The following COL7A1 variants were observed in gnomAD, a reference collection of about 807,000 sequenced individuals.
COL7A1 encodes collagen alpha-1(VII) chain.
Under a neutral mutation model 456.2 loss-of-function variants are expected in COL7A1, and 296 were observed. The ratio of observed to expected loss-of-function variants is 0.65; its 90% CI spans 0.59 to 0.71. The LOEUF (loss-of-function observed/expected upper bound fraction) is 0.71, where lower values mean the gene tolerates loss of function less well. Among genes scored for constraint, COL7A1 ranks in the 30% least tolerant of loss-of-function variants. COL7A1 has a pLI of 0.00. For synonymous variants in COL7A1, 1,464 were observed against 1,525.9 expected, an observed-to-expected ratio of 0.96 and a Z score of 0.95; for missense variants, 3,441 against 4,017.2, an observed-to-expected ratio of 0.86 and a Z score of 3.88.
In COL7A1 at chr3:48,595,297, G is replaced by T; in HGVS notation, c.-31C>A. ...GCGTCCGCCCGCTCCCGCCGCCGCC[G>T]CTGCAGTCTCTCGGGCAGAGCAGAG... On this transcript the variant is annotated 5_prime_UTR_variant, in exon 1 of 119. Transcript: ENST00000681320. The T allele has an allele frequency of 2.8e-6, 2 of 722,782 alleles. No individual in the cohort carries two copies. Among genetic ancestry groups the T allele is most frequent in the Non-Finnish European group, 4.9e-6 (2 of 410,750 alleles). The allele number at this position is 722,782 out of a possible 1,614,324, so 44.8% of individuals were successfully genotyped here.
At position 48,571,532 on chromosome 3, in the gene COL7A1, C is replaced by T; in HGVS notation, c.7069-254G>A. The stretch of plus-strand genomic sequence containing the variant: ...GCATGGCACAGGCACAGGGAGCCCA[C>T]ACGCGAGTGCAGACATCTGGCTCCA... On this transcript the variant is annotated intron_variant, in intron 92 of 118. Coordinates refer to ENST00000681320, the MANE Select transcript of COL7A1 (RefSeq NM_000094.4). This position sits in a 1 kb window ranked among gnomAD's most constrained non-coding sequence, Gnocchi z 4.6. 1.4e-6 allele frequency: 1 copy of T among 700,904 alleles called. No individual in the cohort carries two copies. The highest frequency in any genetic ancestry group is 2.7e-6 in the Non-Finnish European group (1 of 375,536). The allele number at this position is 700,904 out of a possible 1,614,324, so 43.4% of individuals were successfully genotyped here.
Position 48,564,992 on chromosome 3 carries a change from G to C in COL7A1, c.8621-12C>G. On this transcript the variant is annotated splice_polypyrimidine_tract_variant and intron_variant, in intron 117 of 118. Transcript: ENST00000681320. This position sits in a 1 kb window ranked among gnomAD's most constrained non-coding sequence, Gnocchi z 6.0. ...CAGGGAACAGGGGTCTGGGCCAATG[G>C]GGTCAAGTCAGCAGGGTTTGTGGGA... 1 of 1,614,112 alleles carries C rather than the reference G, an allele frequency of 6.2e-7. No homozygotes were observed.
At position 48,571,444 on chromosome 3, in the gene COL7A1, CT is replaced by C. The variant is rs1218193100; in HGVS notation, c.7069-167del. The C allele has an allele frequency of 2.4e-6, 2 of 825,066 alleles. No individual in the cohort carries two copies. Among genetic ancestry groups the C allele is most frequent in the Non-Finnish European group, 4.1e-6 (2 of 484,292 alleles). 51.1% of individuals were successfully genotyped at this position (825,066 alleles called of 1,614,324 possible). A position where few individuals can be genotyped will look rare whatever the true frequency, so the allele number is the denominator to read the frequency against. Reference sequence around the variant, plus strand: ...ACAGGAGCTCAGACATGACCATGGCCTATCTCAGGACAGCACAGACAGAGGG... The same window carrying C: ...ACAGGAGCTCAGACATGACCATGGCCATCTCAGGACAGCACAGACAGAGGG... On this transcript the variant is annotated intron_variant, in intron 92 of 118. Coordinates refer to ENST00000681320, the MANE Select transcript of COL7A1 (RefSeq NM_000094.4). This position sits in a 1 kb window ranked among gnomAD's most constrained non-coding sequence, Gnocchi z 4.6.
chr3:48,566,980 T>A lies in COL7A1; in HGVS notation c.8153A>T (p.Asp2718Val). ...TGGCCCTGGGGGACCAGCAGAGCCATCATTTCCACTGGGGCCTGGGAAGCC... is the reference window on the plus strand; with the variant it reads ...TGGCCCTGGGGGACCAGCAGAGCCAACATTTCCACTGGGGCCTGGGAAGCC... The part of the protein sequence containing the change: ...IGGFPGPSGN[D>V]GSAGPPGPPG... Residue 2718 changes from aspartate (D) to valine (V), a missense_variant, in exon 111 of 119, where the codon GAT becomes GTT. Transcript: ENST00000681320. The surrounding 1 kb of genome is among the most constrained non-coding windows in gnomAD (Gnocchi z 5.9). 2 of 1,612,020 alleles carry A rather than the reference T, an allele frequency of 1.2e-6. No homozygotes were observed. The highest frequency in any genetic ancestry group is 1.1e-5 in the South Asian group (1 of 91,044).
rs370716433 is a variant in COL7A1 at position 48,570,231 on chromosome 3, A to C, written c.7440+44T>G. On this transcript the variant is annotated intron_variant, in intron 98 of 118. Coordinates refer to ENST00000681320, the MANE Select transcript of COL7A1 (RefSeq NM_000094.4). This position sits in a 1 kb window ranked among gnomAD's most constrained non-coding sequence, Gnocchi z 5.5. ...TCAGAGGTTGGAAATCAGAGGCAAG[A>C]GCTGGGATGAAGGGAGTTCGGCTGT... 7 of 1,613,894 alleles carry C rather than the reference A, an allele frequency of 4.3e-6. No individual in the cohort carries two copies. The highest frequency in any genetic ancestry group is 5.1e-6 in the Non-Finnish European group (6 of 1,179,946).
At position 48,586,895 on chromosome 3, in the gene COL7A1, C is replaced by A; in HGVS notation, c.3276+77G>T. ...AGAATGCCTGAACCTATTGGGTGGT[C>A]AGGAGATGGTAACTGGTATGGAGCC... On this transcript the variant is annotated intron_variant, in intron 25 of 118. Coordinates refer to ENST00000681320, the MANE Select transcript of COL7A1 (RefSeq NM_000094.4). The surrounding 1 kb of genome is among the most constrained non-coding windows in gnomAD (Gnocchi z 5.1). The A allele has an allele frequency of 1.3e-6, 2 of 1,549,904 alleles. No individual in the cohort carries two copies. The highest frequency in any genetic ancestry group is 2.4e-5 in the South Asian group (2 of 83,982).
chr3:48,577,375 C>T (rs571758631), intron 65 of COL7A1, among the ~76,000 whole-genome samples: 1 of 152,278 alleles, frequency 6.6e-6, no homozygotes, highest in East Asian at 1.9e-4. Context: ...GTCTGTGTGT[C>T]CTGGTCTGTT....
intron 38 of COL7A1, 28 bp downstream of exon 38, chr3:48,584,007 C>G: frequency 1.2e-6 from 2 of 1,614,050 alleles, no homozygotes; most frequent in Non-Finnish European, 1.7e-6. Flanking sequence ...CTCCAAGCCA[C>G]CCCTAGCACA....
Position 48,567,691 on chromosome 3 carries a change from T to G in COL7A1, c.7983+19A>C. 2 of 1,614,080 alleles carry G rather than the reference T, an allele frequency of 1.2e-6. No individual in the cohort carries two copies. Among genetic ancestry groups the G allele is most frequent in the Non-Finnish European group, 1.7e-6 (2 of 1,180,006 alleles). The stretch of plus-strand genomic sequence containing the variant: ...CCGTCCACCCGTGGCCCCCTCATTC[T>G]GAGCGTGCCCACACTCACCATCTCT... On this transcript the variant is annotated intron_variant, in intron 108 of 118. Transcript: ENST00000681320. This position sits in a 1 kb window ranked among gnomAD's most constrained non-coding sequence, Gnocchi z 4.3.
rs775946987 is a variant in COL7A1 at position 48,592,667 on chromosome 3, C to T, written c.879G>A (p.Arg293=). 1 of 1,613,834 alleles carries T rather than the reference C, an allele frequency of 6.2e-7. No homozygotes were observed. The highest frequency in any genetic ancestry group is 8.5e-7 in the Non-Finnish European group (1 of 1,180,004). The part of the protein sequence containing the change: ...VNVPAGETSV[R]LRGLRPLTEY... ...CGGTCAGTGGCCGGAGACCCCGCAG[C>T]CGCACACTGGTCTCACCAGCTGGGA... The change falls in exon 8 of 119, where the codon CGG becomes CGA. Residue 293 remains arginine, a synonymous_variant. Coordinates refer to ENST00000681320, the MANE Select transcript of COL7A1 (RefSeq NM_000094.4). The surrounding 1 kb of genome is among the most constrained non-coding windows in gnomAD (Gnocchi z 7.6).
Position 48,591,539 on chromosome 3 carries a change from C to T in COL7A1, c.1561G>A (p.Gly521Arg), listed in dbSNP as rs1383489466. Residue 521 changes from glycine to arginine, a missense_variant, in exon 13 of 119, where the codon GGG becomes AGG. By Grantham distance (125) the Gly-to-Arg change is moderately radical (BLOSUM62 -2). Coordinates refer to ENST00000681320, the MANE Select transcript of COL7A1 (RefSeq NM_000094.4). The surrounding 1 kb of genome is among the most constrained non-coding windows in gnomAD (Gnocchi z 7.0). ...CTCCAGGACACTCGCACCCGCTGCC[C>T]GGGCAGCTCGGTGGCTTGCAGGTCT... ...VTDLQATELP[G>R]QRVRVSWSPV... The T allele has an allele frequency of 6.8e-6, 11 of 1,613,934 alleles. No homozygotes were observed. The highest frequency in any genetic ancestry group is 1.7e-4 in the Middle Eastern group (1 of 6,058).
At position 48,571,657 on chromosome 3, in the gene COL7A1, G is replaced by C. The variant is rs2043929365; in HGVS notation, c.7068+344C>G. 1 of 653,966 alleles carries C rather than the reference G, an allele frequency of 1.5e-6. No individual in the cohort carries two copies. Among genetic ancestry groups the C allele is most frequent in the Non-Finnish European group, 2.9e-6 (1 of 344,744 alleles). 40.5% of individuals were successfully genotyped at this position (653,966 alleles called of 1,614,324 possible). A position where few individuals can be genotyped will look rare whatever the true frequency, so the allele number is the denominator to read the frequency against. ...CCACAGGCTGAACGCTGGCAGCCAG[G>C]GGCAGGGGAAAGGAGGATTGTAAAC... On this transcript the variant is annotated intron_variant, in intron 92 of 118. Transcript: ENST00000681320. This position sits in a 1 kb window ranked among gnomAD's most constrained non-coding sequence, Gnocchi z 4.6.
chr3:48,574,253 A>G lies in COL7A1; in HGVS notation c.6501+9T>C, dbSNP rs763319961. 1 of 1,613,826 alleles carries G rather than the reference A, an allele frequency of 6.2e-7. No individual in the cohort carries two copies. The highest frequency in any genetic ancestry group is 1.7e-5 in the Admixed American group (1 of 59,992). On this transcript the variant is annotated intron_variant, in intron 80 of 118. Coordinates refer to ENST00000681320, the MANE Select transcript of COL7A1 (RefSeq NM_000094.4). The surrounding 1 kb of genome is among the most constrained non-coding windows in gnomAD (Gnocchi z 5.0). ...GAGCCTGGGGCCAGGTGCTTCAGCC[A>G]CCACTCACCGGCTTCCCTTCAGGCC...
chr3:48,565,676 G>A lies in COL7A1; in HGVS notation c.8408-8C>T, dbSNP rs2107628533. 1 of 1,612,038 alleles carries A rather than the reference G, an allele frequency of 6.2e-7. No individual in the cohort carries two copies. On this transcript the variant is annotated splice_region_variant and splice_polypyrimidine_tract_variant and intron_variant, in intron 114 of 118. Transcript: ENST00000681320. The surrounding 1 kb of genome is among the most constrained non-coding windows in gnomAD (Gnocchi z 4.5). ...TGAACTGGCCCTGGCAGGCTAGAGGGGGCAGAGAGGGATAGAGAGACAATG... is the reference window on the plus strand; with the variant it reads ...TGAACTGGCCCTGGCAGGCTAGAGGAGGCAGAGAGGGATAGAGAGACAATG...
rs533907003 is a variant in COL7A1, at chr3:48,569,068, G to A, written c.7687-213C>T. The stretch of plus-strand genomic sequence containing the variant: ...CCCAAGGACTCCAGACCCTTGCCCC[G>A]CCCTCTTATCACTGGGTTCCTCATC... On this transcript the variant is annotated intron_variant, in intron 103 of 118. Transcript: ENST00000681320. This position sits in a 1 kb window ranked among gnomAD's most constrained non-coding sequence, Gnocchi z 4.9. Among the ~76,000 whole-genome samples, 11 of 152,078 alleles carry A rather than the reference G, an allele frequency of 7.2e-5. No homozygotes were observed. Among genetic ancestry groups the A allele is most frequent in the Admixed American group, 3.9e-4 (6 of 15,292 alleles).
rs373216427 is a variant in COL7A1 at position 48,565,611 on chromosome 3, G to C, written c.8440+25C>G. 2.4e-4 allele frequency: 394 copies of C among 1,614,016 alleles called. 1 individual carries two copies. The highest frequency in any genetic ancestry group is 1.6e-4 in the Non-Finnish European group (185 of 1,180,028). On this transcript the variant is annotated intron_variant, in intron 115 of 118. Coordinates refer to ENST00000681320, the MANE Select transcript of COL7A1 (RefSeq NM_000094.4). The surrounding 1 kb of genome is among the most constrained non-coding windows in gnomAD (Gnocchi z 4.5). Reference sequence around the variant, plus strand: ...CAGGGCAGGGCCTGGGGTGAAGAAAGTTCTGGGAGTAGAAAACTACTCACG... The same window carrying C: ...CAGGGCAGGGCCTGGGGTGAAGAAACTTCTGGGAGTAGAAAACTACTCACG...
Position 48,567,276 on chromosome 3 carries a change from C to T in COL7A1, c.8047-86G>A, listed in dbSNP as rs1193910100. On this transcript the variant is annotated intron_variant, in intron 109 of 118. Coordinates refer to ENST00000681320, the MANE Select transcript of COL7A1 (RefSeq NM_000094.4). The surrounding 1 kb of genome is among the most constrained non-coding windows in gnomAD (Gnocchi z 4.3). ...CCTGAACTCCCATGAGCTCCCTGGC[C>T]TAATGCCCAAACCTTCTGTAACCCA... The T allele has an allele frequency of 2.6e-6, 4 of 1,537,720 alleles. No homozygotes were observed. Among genetic ancestry groups the T allele is most frequent in the Non-Finnish European group, 3.6e-6 (4 of 1,118,494 alleles).
In COL7A1 at chr3:48,578,437, G is replaced by C. The variant is rs976391095; in HGVS notation, c.5487+16C>G. The C allele has an allele frequency of 6.2e-6, 10 of 1,613,306 alleles. No individual in the cohort carries two copies. The highest frequency in any genetic ancestry group is 8.5e-6 in the Non-Finnish European group (10 of 1,180,020). On this transcript the variant is annotated intron_variant, in intron 64 of 118. Transcript: ENST00000681320. The surrounding 1 kb of genome is among the most constrained non-coding windows in gnomAD (Gnocchi z 4.7). ...AGTAAGGGGGAAAAGGGGGTAACAT[G>C]AAAGTCTGGTCTCACCGGTAATCCA...
chr3:48,588,872 T>C lies in COL7A1; in HGVS notation c.2438A>G (p.Glu813Gly). The change falls in exon 19 of 119, where the codon GAA becomes GGA. Residue 813 changes from glutamate to glycine, a missense_variant and splice_region_variant. Glu to Gly is a moderately conservative substitution (Grantham distance 98). Coordinates refer to ENST00000681320, the MANE Select transcript of COL7A1 (RefSeq NM_000094.4). This position sits in a 1 kb window ranked among gnomAD's most constrained non-coding sequence, Gnocchi z 4.6. ...TAYRLAWGRSEGGPMRHQILP... is the reference protein window; with the variant it reads ...TAYRLAWGRSGGGPMRHQILP... ...GGGGTGGCGTCAGGGAGCCATACCT[T>C]CACTCCGGCCCCAGGCCAGTCTGTA... 6.2e-7 allele frequency: 1 copy of C among 1,613,572 alleles called. No homozygotes were observed. Among genetic ancestry groups the C allele is most frequent in the Non-Finnish European group, 8.5e-7 (1 of 1,180,014 alleles).
Sources: allele counts gnomAD v4.1 joint callset (sites outside exome capture counted in the v4.1 genomes callset), GRCh38; gene constraint gnomAD v4.1.1; non-coding constraint Gnocchi (gnomAD v3.1); transcripts MANE v1.5; gene names NCBI Gene and HGNC (gene_info 2026-07-23, HGNC 2026-07-21).